ATXN2: variants seen among roughly 807,000 people sequenced by gnomAD.
The protein encoded by ATXN2 is ataxin-2.
In ATXN2, 37 loss-of-function variants were observed where a neutral mutation model predicts 138.6. That is an observed-to-expected ratio of 0.27 (90% confidence interval 0.21 to 0.35). The LOEUF (loss-of-function observed/expected upper bound fraction) is 0.35. Among genes scored for constraint, ATXN2 ranks in the 10% least tolerant of loss-of-function variants. The probability of loss-of-function intolerance (pLI) is 1.00; values close to 1 mark genes in which losing one functional copy is unlikely to be tolerated. For missense variants in ATXN2, 1,216 were observed against 1,480.3 expected (o/e 0.82, Z 2.93); for synonymous variants, 549 against 543.7 (o/e 1.01, Z -0.13).
chr12:111,538,548 C>T (rs1881322319), intron 5 of ATXN2, among the ~76,000 whole-genome samples: 1 of 133,604 alleles, frequency 7.5e-6, no homozygotes, highest in African/African-American at 2.5e-5. Context: ...AAACGGGGTT[C>T]CACCATATTG....
intron 18 of ATXN2, among the ~76,000 whole-genome samples, chr12:111,483,188 AACACATAC>A (rs1318147840): frequency 0.016 from 1,907 of 118,956 alleles, 37 homozygotes; most frequent in African/African-American, 0.056. Flanking sequence ...CCCTGTATCA[AACACATAC>A]ACACACACAC....
At chr12:111,469,717 A>G (rs1876270103) in intron 20 of ATXN2, 1 of 233,228 alleles carries the variant, frequency 4.3e-6, no homozygotes, top group African/African-American at 2.2e-5. Context: ...CAGATCAAGT[A>G]GTGAAGCAAA....
chr12:111,512,924 T>C (rs1223394126), intron 11 of ATXN2: 1 of 160,820 alleles, frequency 6.2e-6, no homozygotes, highest in Non-Finnish European at 1.3e-5. Flanking sequence ...CAAAAATAAA[T>C]GTTTATAGAA....
At chr12:111,457,189 A>G in intron 22 of ATXN2, 25 bp downstream of exon 22, 1 of 1,602,210 alleles carries the variant, frequency 6.2e-7, no homozygotes, top group Non-Finnish European at 8.5e-7. Flanking sequence ...AAGCCACTCC[A>G]TGCAGACCTC....
At chr12:111,483,114 G>GAGGTC (rs1377579138) in intron 18 of ATXN2, among the ~76,000 whole-genome samples, 1 of 151,314 alleles carries the variant, frequency 6.6e-6, no homozygotes, top group East Asian at 1.9e-4. Context: ...TTGAGCCCAG[G>GAGGTC]AGGTCAAGGC....
chr12:111,461,458 G>GA (rs1207781225), intron 21 of ATXN2, among the ~76,000 whole-genome samples: 3 of 150,600 alleles, frequency 2.0e-5, no homozygotes, highest in African/African-American at 7.4e-5. Flanking sequence ...CAACAAGAGC[G>GA]AAACTCCGTC....
chr12:111,538,505 C>T (rs1881318800), intron 5 of ATXN2, among the ~76,000 whole-genome samples: 2 of 133,328 alleles, frequency 1.5e-5, no homozygotes, highest in South Asian at 4.6e-4. Context: ...TACATACCAC[C>T]GTGTCTGGCT....
At chr12:111,599,669 T>C, upstream of ATXN2, 1 of 1,049,094 alleles carries the variant, frequency 9.5e-7, no homozygotes. Context: ...GGTTGCTTTC[T>C]CGGGGGTCGG....
At chr12:111,575,000 C>A (rs1883551675) in intron 1 of ATXN2, among the ~76,000 whole-genome samples, 1 of 152,136 alleles carries the variant, frequency 6.6e-6, no homozygotes, top group South Asian at 2.1e-4. Context: ...TCTAACAGGG[C>A]TATGTGGTAA....
At chr12:111,481,263 G>A (rs1056224748) in intron 18 of ATXN2, among the ~76,000 whole-genome samples, 7 of 152,102 alleles carry the variant, frequency 4.6e-5, no homozygotes, top group Non-Finnish European at 1.0e-4. Flanking sequence ...TGGGAAGCAC[G>A]GAGAAGCTCC....
In ATXN2 at chr12:111,518,193, A is replaced by T. The variant is rs1024386057; in HGVS notation, c.1165+56T>A. ...TATGTAAACTATTTTAAGTATTTTA[A>T]GTATTTAGAAAACTATTTTATCAAT... On this transcript the variant is annotated intron_variant, in intron 9 of 24. Coordinates refer to ENST00000673436, the MANE Select transcript of ATXN2 (RefSeq NM_001372574.1). The T allele has an allele frequency of 9.2e-6, 13 of 1,408,310 alleles. No individual in the cohort carries two copies. The Admixed American group carries it at 2.0e-4, about 21-fold the overall frequency. The allele number at this position is 1,408,310 out of a possible 1,614,324, so 87.2% of individuals were successfully genotyped here.
At chr12:111,542,683 T>C (rs1468049970) in intron 5 of ATXN2, among the ~76,000 whole-genome samples, 1 of 151,900 alleles carries the variant, frequency 6.6e-6, no homozygotes, top group East Asian at 1.9e-4. Flanking sequence ...CCAAGGCGAG[T>C]CTTGAACTCC....
chr12:111,557,988 C>A (rs1417076117), intron 1 of ATXN2, among the ~76,000 whole-genome samples: 1 of 152,082 alleles, frequency 6.6e-6, no homozygotes, highest in Non-Finnish European at 1.5e-5. Context: ...AAACATAATC[C>A]CCTTTAAATA....
intron 14 of ATXN2, among the ~76,000 whole-genome samples, chr12:111,497,284 A>G (rs1878480548): frequency 6.6e-6 from 1 of 152,198 alleles, no homozygotes; most frequent in Non-Finnish European, 1.5e-5. Flanking sequence ...TCACTGCTGA[A>G]TTCTACTAAA....
intron 1 of ATXN2, among the ~76,000 whole-genome samples, chr12:111,596,327 T>C (rs1446854644): frequency 6.6e-6 from 1 of 151,028 alleles, no homozygotes; most frequent in Non-Finnish European, 1.5e-5. Context: ...AAAATATATA[T>C]AACAAAGAAC....
chr12:111,598,698 G>A lies in ATXN2; in HGVS notation c.251+86C>T, dbSNP rs1885067741. 4 of 911,280 alleles carry A rather than the reference G, an allele frequency of 4.4e-6. No homozygotes were observed. The Admixed American group carries it at 1.6e-4, about 37-fold the overall frequency. The allele number at this position is 911,280 out of a possible 1,614,324, so 56.4% of individuals were successfully genotyped here. On this transcript the variant is annotated intron_variant, in intron 1 of 24. Coordinates refer to ENST00000673436, the MANE Select transcript of ATXN2 (RefSeq NM_001372574.1). This position sits in a 1 kb window ranked among gnomAD's most constrained non-coding sequence, Gnocchi z 4.5. Reference sequence around the variant, plus strand: ...CCCAGCCCACCCCGGGTAGCCCGGCGGGTCACGGGGCGGGGACGGCGGCGC... The same window carrying A: ...CCCAGCCCACCCCGGGTAGCCCGGCAGGTCACGGGGCGGGGACGGCGGCGC...
chr12:111,590,021 C>T (rs1205135325), intron 1 of ATXN2, among the ~76,000 whole-genome samples: 1 of 151,530 alleles, frequency 6.6e-6, no homozygotes, highest in African/African-American at 2.4e-5. Flanking sequence ...ACGAGCCTGG[C>T]CAACATGGTG....
At chr12:111,555,545 G>A (rs1256580839) in intron 2 of ATXN2, among the ~76,000 whole-genome samples, 1 of 152,084 alleles carries the variant, frequency 6.6e-6, no homozygotes, top group Non-Finnish European at 1.5e-5. Flanking sequence ...ATGTGAAGAA[G>A]GATGTGTTTG....
intron 5 of ATXN2, among the ~76,000 whole-genome samples, chr12:111,540,117 A>T (rs1240403967): frequency 2.0e-5 from 3 of 150,112 alleles, no homozygotes; most frequent in Non-Finnish European, 4.5e-5. Flanking sequence ...ATTCTTTCCC[A>T]GGAGTATGAA....
Sources: gnomAD v4.1 joint callset for allele counts (sites outside exome capture counted in the v4.1 genomes callset) on GRCh38, gnomAD v4.1.1 for gene constraint, Gnocchi (gnomAD v3.1) non-coding constraint, MANE v1.5 for transcripts, NCBI Gene and HGNC (gene_info 2026-07-23, HGNC 2026-07-21) for gene names.